Variants in CDH1 observed in about 807,000 individuals in gnomAD.
CDH1 encodes the protein cadherin-1.
In CDH1, 35 loss-of-function variants were observed where a neutral mutation model predicts 84.5. That is an observed-to-expected ratio of 0.41 (90% CI 0.32 to 0.55). The LOEUF (loss-of-function observed/expected upper bound fraction) is 0.55. Among genes scored for constraint, CDH1 ranks in the 20% least tolerant of loss-of-function variants. The pLI is 0.19. For synonymous variants in CDH1, 417 were observed against 439.0 expected (o/e 0.95, Z 0.63); for missense variants, 994 against 1,126.6 (o/e 0.88, Z 1.68).
chr16:68,776,347 T>C (rs1300130404), intron 2 of CDH1, among the ~76,000 whole-genome samples: 2 of 152,206 alleles, frequency 1.3e-5, no homozygotes, highest in African/African-American at 4.8e-5. Flanking sequence ...ACTTTTACTA[T>C]TTTTAATAAT....
At chr16:68,821,130 T>C (rs1483429581) in intron 11 of CDH1, among the ~76,000 whole-genome samples, 1 of 152,136 alleles carries the variant, frequency 6.6e-6, no homozygotes, top group Non-Finnish European at 1.5e-5. Context: ...CAATTTTTCC[T>C]ACTACCATAT....
intron 2 of CDH1, among the ~76,000 whole-genome samples, chr16:68,766,513 C>T (rs578210171): frequency 1.3e-5 from 2 of 152,096 alleles, no homozygotes; most frequent in African/African-American, 4.8e-5. Flanking sequence ...ATTAGTAGAA[C>T]CTACTTCATA....
chr16:68,814,088 A>G (rs1292729951), intron 9 of CDH1, among the ~76,000 whole-genome samples: 2 of 150,650 alleles, frequency 1.3e-5, no homozygotes, highest in African/African-American at 4.9e-5. Flanking sequence ...TACAAAAATT[A>G]GCTGGGCATG....
chr16:68,771,578 C>T (rs1959574823), intron 2 of CDH1, among the ~76,000 whole-genome samples: 1 of 151,870 alleles, frequency 6.6e-6, no homozygotes, highest in Admixed American at 6.6e-5. Context: ...ATGGTGAAAC[C>T]CCGTCTCTAT....
At chr16:68,799,778 C>T (rs753773864) in intron 2 of CDH1, among the ~76,000 whole-genome samples, 7 of 151,888 alleles carry the variant, frequency 4.6e-5, no homozygotes, top group African/African-American at 1.5e-4. Flanking sequence ...CTTTGGGAGG[C>T]GAGGTGGATG....
At position 68,813,438 on chromosome 16, in the gene CDH1, A is replaced by G. The variant is rs770998010; in HGVS notation, c.1263A>G (p.Gly421=). ...ACACCATATTGAATGATGATGGTGG[A>G]CAATTTGTCGTCACCACAAATCCAG... is the stretch of plus-strand genomic sequence containing the variant. ...AVYTILNDDG[G]QFVVTTNPVN... The change falls in exon 9 of 16, where the codon GGA becomes GGG. Residue 421 remains glycine, a synonymous_variant. Transcript: ENST00000261769. 6.2e-7 allele frequency: 1 copy of G among 1,614,182 alleles called. No homozygotes were observed. The highest frequency in any genetic ancestry group is 1.1e-5 in the South Asian group (1 of 91,086).
intron 2 of CDH1, among the ~76,000 whole-genome samples, chr16:68,741,762 C>T (rs1041927141): frequency 1.3e-5 from 2 of 151,900 alleles, no homozygotes; most frequent in East Asian, 1.9e-4. Flanking sequence ...TCACTGCAAC[C>T]TCTGCTTCCT....
chr16:68,788,540 C>T (rs779971027), intron 2 of CDH1, among the ~76,000 whole-genome samples: 1 of 152,114 alleles, frequency 6.6e-6, no homozygotes, highest in Non-Finnish European at 1.5e-5. Flanking sequence ...TTCTTTCACT[C>T]GGTGTAATGC....
At chr16:68,782,736 G>A (rs1469667059) in intron 2 of CDH1, among the ~76,000 whole-genome samples, 3 of 152,096 alleles carry the variant, frequency 2.0e-5, no homozygotes, top group Admixed American at 2.0e-4. Flanking sequence ...CCGATCCTTC[G>A]CAAAGGAGTC....
intron 2 of CDH1, among the ~76,000 whole-genome samples, chr16:68,741,736 G>C (rs1962567988): frequency 1.3e-5 from 2 of 151,964 alleles, no homozygotes; most frequent in African/African-American, 4.8e-5. Flanking sequence ...CTGGAGTGCA[G>C]AGGTGCGATC....
In CDH1 at chr16:68,823,633, C is replaced by T. The variant is rs756306151; in HGVS notation, c.2164+7C>T. The T allele has an allele frequency of 6.3e-7, 1 of 1,583,844 alleles. No homozygotes were observed. The highest frequency in any genetic ancestry group is 1.3e-5 in the African/African-American group (1 of 74,338). ...GGAATTCTTGCTTTGCTAAGTAAGT[C>T]CAGCTGGCAAGTGACTCAGCCTTTG... On this transcript the variant is annotated splice_region_variant and intron_variant, in intron 13 of 15. Transcript: ENST00000261769.
At chr16:68,818,712 T>C (rs535528778) in intron 10 of CDH1, among the ~76,000 whole-genome samples, 1 of 150,610 alleles carries the variant, frequency 6.6e-6, no homozygotes, top group South Asian at 2.1e-4. Context: ...TAGCCGGGCG[T>C]GATGGCGGGC....
rs79024257 is a variant in CDH1 at position 68,783,549 on chromosome 16, C to T, written c.164-18121C>T. 3.0e-3 allele frequency among the ~76,000 whole-genome samples: 462 copies of T among 152,276 alleles called. 2 individuals carry two copies. The highest frequency in any genetic ancestry group is 0.01 in the African/African-American group (430 of 41,562). ...AAGCAGTGTTACCGATTTCTTGTTT[C>T]CTTCTGAAGATATTCTAAGCCTATT... is the stretch of plus-strand genomic sequence containing the variant. On this transcript the variant is annotated intron_variant, in intron 2 of 15. Transcript: ENST00000261769.
intron 2 of CDH1, among the ~76,000 whole-genome samples, chr16:68,761,405 C>T (rs1284308961): frequency 6.6e-6 from 1 of 152,188 alleles, no homozygotes; most frequent in Non-Finnish European, 1.5e-5. Context: ...CCCATCTCAC[C>T]CATCCTACCC....
At chr16:68,765,863 C>T (rs901831680) in intron 2 of CDH1, among the ~76,000 whole-genome samples, 2 of 152,034 alleles carry the variant, frequency 1.3e-5, no homozygotes, top group Non-Finnish European at 1.5e-5. Flanking sequence ...GTCAAATAAT[C>T]GAAGACCCTT....
Position 68,810,234 on chromosome 16 carries a change from T to C in CDH1, c.725T>C (p.Val242Ala), listed in dbSNP as rs1960781319. 1 of 1,614,138 alleles carries C rather than the reference T, an allele frequency of 6.2e-7. No individual in the cohort carries two copies. The highest frequency in any genetic ancestry group is 8.5e-7 in the Non-Finnish European group (1 of 1,179,996). ...GCTGTGTCATCCAACGGGAATGCAG[T>C]TGAGGATCCAATGGAGATTTTGATC... ...SHAVSSNGNA[V>A]EDPMEILITV... Residue 242 changes from valine to alanine, a missense_variant, in exon 6 of 16, where the codon GTT becomes GCT. Val to Ala is a moderately conservative substitution (Grantham distance 64). Transcript: ENST00000261769.
In CDH1 at chr16:68,829,736, G is replaced by A. The variant is rs1357766058; in HGVS notation, c.2378G>A (p.Ser793Asn). Reference protein sequence around the residue: ...TRNDVAPTLMSVPRYLPRPAN... With the variant: ...TRNDVAPTLMNVPRYLPRPAN... Reference sequence around the variant, plus strand: ...AACGACGTTGCACCAACCCTCATGAGTGTCCCCCGGTATCTTCCCCGCCCT... The same window carrying A: ...AACGACGTTGCACCAACCCTCATGAATGTCCCCCGGTATCTTCCCCGCCCT... Residue 793 changes from serine to asparagine, a missense_variant, in exon 15 of 16, where the codon AGT becomes AAT. Transcript: ENST00000261769. The A allele has an allele frequency of 6.2e-7, 1 of 1,613,942 alleles. No homozygotes were observed. The highest frequency in any genetic ancestry group is 8.5e-7 in the Non-Finnish European group (1 of 1,180,012).
Position 68,752,270 on chromosome 16 carries a change from T to C in CDH1, c.163+13859T>C, listed in dbSNP as rs912336812. 3.3e-5 allele frequency among the ~76,000 whole-genome samples: 5 copies of C among 152,290 alleles called. No individual in the cohort carries two copies. In the East Asian group the frequency reaches 9.6e-4, roughly 29 times the overall value. ...CCCAATCTGGACCCCCTATTTATGA[T>C]AGTAAACCCTGCCCTCAGCCCTCCC... On this transcript the variant is annotated intron_variant, in intron 2 of 15. Coordinates refer to ENST00000261769, the MANE Select transcript of CDH1 (RefSeq NM_004360.5).
At chr16:68,762,439 C>G in intron 2 of CDH1, among the ~76,000 whole-genome samples, 1 of 152,148 alleles carries the variant, frequency 6.6e-6, no homozygotes, top group Admixed American at 6.6e-5. Context: ...ATGAGGGGCT[C>G]TTTGCTGTGG....
Sources: allele counts gnomAD v4.1 joint callset (sites outside exome capture counted in the v4.1 genomes callset), GRCh38; gene constraint gnomAD v4.1.1; transcripts MANE v1.5; gene names NCBI Gene and HGNC (gene_info 2026-07-23, HGNC 2026-07-21).